CSTPP1: variants seen among roughly 807,000 people sequenced by gnomAD.
CSTPP1 encodes UPF0705 protein C11orf49.
chr11:46,993,898 C>T, the CSTPP1 span, among the ~76,000 whole-genome samples: 1 of 152,138 alleles, frequency 6.6e-6, no homozygotes, highest in African/African-American at 2.4e-5. Context: ...ATTGATTCTT[C>T]CCATCCATGA....
the CSTPP1 span, among the ~76,000 whole-genome samples, chr11:47,158,396 C>G: frequency 6.6e-6 from 1 of 152,072 alleles, no homozygotes; most frequent in South Asian, 2.1e-4. Flanking sequence ...TAGGGGAAGT[C>G]TGCAGTGGCC....
At chr11:47,158,057 T>C in the CSTPP1 span, 5 of 754,516 alleles carry the variant, frequency 6.6e-6, no homozygotes, top group Admixed American at 1.2e-4. Flanking sequence ...CCGGACTCAA[T>C]CCCAGGGAGC....
the CSTPP1 span, among the ~76,000 whole-genome samples, chr11:46,984,348 T>C: frequency 2.4e-4 from 36 of 152,182 alleles, no homozygotes; most frequent in Non-Finnish European, 4.4e-4. Context: ...ATAACTATTA[T>C]AGGATTGTAT....
At chr11:46,986,992 T>C in the CSTPP1 span, among the ~76,000 whole-genome samples, 2 of 152,222 alleles carry the variant, frequency 1.3e-5, no homozygotes, top group Non-Finnish European at 2.9e-5. Flanking sequence ...CAAATGGCAA[T>C]TGGTCATGTT....
chr11:47,072,731 AGATGT>A, the CSTPP1 span, among the ~76,000 whole-genome samples: 2 of 152,224 alleles, frequency 1.3e-5, no homozygotes, highest in African/African-American at 4.8e-5. Flanking sequence ...TAATTACAAT[AGATGT>A]GATGACAAAA....
chr11:47,094,514 G>A, the CSTPP1 span, among the ~76,000 whole-genome samples: 1 of 151,692 alleles, frequency 6.6e-6, no homozygotes, highest in South Asian at 2.1e-4. Context: ...AACTTTTGAG[G>A]ATGTGGATAT....
the CSTPP1 span, among the ~76,000 whole-genome samples, chr11:46,955,997 C>A: frequency 4.8e-3 from 712 of 148,814 alleles, 8 homozygotes; most frequent in Non-Finnish European, 6.3e-3. Context: ...CCCCCCCCCC[C>A]CCACCAAAAA....
At chr11:47,061,318 C>A in the CSTPP1 span, among the ~76,000 whole-genome samples, 1 of 152,104 alleles carries the variant, frequency 6.6e-6, no homozygotes, top group Middle Eastern at 3.2e-3. Flanking sequence ...TGCAGTGGGT[C>A]TATCTGAGTA....
chr11:47,155,176 G>A, the CSTPP1 span: 1 of 1,611,894 alleles, frequency 6.2e-7, no homozygotes, highest in South Asian at 1.1e-5. Flanking sequence ...TCCCCTTCAG[G>A]ATTGTGCTCA....
the CSTPP1 span, among the ~76,000 whole-genome samples, chr11:46,958,668 A>G: frequency 9.2e-5 from 14 of 152,152 alleles, no homozygotes; most frequent in African/African-American, 2.9e-4. Flanking sequence ...TGACATGACT[A>G]TGGAGGCTGA....
chr11:47,032,768 G>A, the CSTPP1 span, among the ~76,000 whole-genome samples: 1 of 152,062 alleles, frequency 6.6e-6, no homozygotes, highest in Non-Finnish European at 1.5e-5. Flanking sequence ...GCATAAGGAA[G>A]AAGAGGAAAT....
the CSTPP1 span, among the ~76,000 whole-genome samples, chr11:46,962,222 T>TA: frequency 2.0e-5 from 3 of 152,322 alleles, no homozygotes; most frequent in Non-Finnish European, 4.4e-5. Flanking sequence ...ATCAGGCACT[T>TA]ACGTCAAAAA....
At chr11:47,028,150 CCCG>C in the CSTPP1 span, among the ~76,000 whole-genome samples, 1 of 152,126 alleles carries the variant, frequency 6.6e-6, no homozygotes, top group Non-Finnish European at 1.5e-5. Flanking sequence ...GTCTCGATCT[CCCG>C]ACCTTGTGAT....
the CSTPP1 span, among the ~76,000 whole-genome samples, chr11:47,072,093 T>C: frequency 6.6e-6 from 1 of 152,224 alleles, no homozygotes; most frequent in Non-Finnish European, 1.5e-5. Context: ...GGGAAGTCAC[T>C]TCAAGAATCT....
chr11:47,094,404 G>A, the CSTPP1 span, among the ~76,000 whole-genome samples: 9 of 152,180 alleles, frequency 5.9e-5, no homozygotes, highest in South Asian at 1.7e-3. Context: ...ATAGCATAAT[G>A]CTTATAACTA....
chr11:47,097,448 A>AGGT, the CSTPP1 span, among the ~76,000 whole-genome samples: 434 of 9,588 alleles, frequency 0.045, no homozygotes, highest in Non-Finnish European at 0.094. Context: ...TCCGGGAGGG[A>AGGT]GGTGGGGGGG....
At chr11:47,052,786 T>C in the CSTPP1 span, 1 of 283,266 alleles carries the variant, frequency 3.5e-6, no homozygotes, top group Non-Finnish European at 6.6e-6. Context: ...AGTGTAGCTC[T>C]TTACATGTAG....
chr11:47,002,857 A>G, the CSTPP1 span, among the ~76,000 whole-genome samples: 1 of 152,240 alleles, frequency 6.6e-6, no homozygotes, highest in African/African-American at 2.4e-5. Context: ...ATTTCAATCT[A>G]TAAATAATAT....
chr11:47,052,291 G>A, the CSTPP1 span: 33 of 1,447,590 alleles, frequency 2.3e-5, no homozygotes, highest in South Asian at 1.1e-4. Context: ...AAAATTCCCC[G>A]TTTTTGGCAG....
Sources: allele counts gnomAD v4.1 joint callset (sites outside exome capture counted in the v4.1 genomes callset), GRCh38; gene constraint gnomAD v4.1.1; transcripts MANE v1.5; gene names NCBI Gene and HGNC (gene_info 2026-07-23, HGNC 2026-07-21).